The following VIRMA variants were observed in gnomAD, a reference collection of about 807,000 sequenced individuals.
The protein encoded by VIRMA is vir like m6A methyltransferase associated, also known as protein virilizer homolog.
In VIRMA, 65 loss-of-function variants were observed where a neutral mutation model predicts 182.4. The observed-to-expected ratio is 0.36, with a 90% CI of 0.29 to 0.44. The LOEUF (loss-of-function observed/expected upper bound fraction) is 0.44, where lower values mean the gene tolerates loss of function less well. VIRMA is among the 20% of genes least tolerant of loss of function. The pLI, the probability that VIRMA is intolerant of heterozygous loss-of-function variation, is 1.00. For synonymous variants in VIRMA, 709 were observed against 743.1 expected, an observed-to-expected ratio of 0.95 and a Z score of 0.75; for missense variants, 1,752 against 2,158.1, an observed-to-expected ratio of 0.81 and a Z score of 3.73.
At chr8:94,553,050 C>T (rs1236674759) in intron 1 of VIRMA, among the ~76,000 whole-genome samples, 2 of 152,234 alleles carry the variant, frequency 1.3e-5, no homozygotes, top group East Asian at 3.9e-4. Context: ...TACTGGCAAA[C>T]CAAGACCCCT....
intron 2 of VIRMA, among the ~76,000 whole-genome samples, chr8:94,543,406 A>AC (rs1815637753): frequency 8.6e-6 from 1 of 116,252 alleles, no homozygotes; most frequent in African/African-American, 4.2e-5. Flanking sequence ...CATCTCAAAA[A>AC]AAAAAAAAAA....
In VIRMA at chr8:94,527,116, T is replaced by C. The variant is rs754690271; in HGVS notation, c.1128A>G (p.Ser376=). The C allele has an allele frequency of 2.5e-6, 4 of 1,614,224 alleles. No individual in the cohort carries two copies. The South Asian group carries it at 4.4e-5, about 18-fold the overall frequency. The stretch of plus-strand genomic sequence containing the variant: ...ACTTCACTGAGGCTTCGATTGCCCC[T>C]GAATTTTCTTTATCTGGACCTTGAT... ...MKDQGPDKEN[S]GAIEASVKLT... The change falls in exon 8 of 24, where the codon TCA becomes TCG. Residue 376 remains serine (S), a synonymous_variant. Coordinates refer to ENST00000297591, the MANE Select transcript of VIRMA (RefSeq NM_015496.5).
chr8:94,537,107 G>C lies in VIRMA; in HGVS notation c.311C>G (p.Ser104Ter). ...AAAACTGACTTCCAGAATTACCTTT[G>C]AGTTAGGTCTAAAGATGATGGAAGT... ...ENTSIIFRPNSKVNTDGLVLR... is the reference protein window; with the variant it reads ...ENTSIIFRPN The change falls in exon 4 of 24, where the codon TCA becomes TGA. Residue 104 changes from serine to a stop codon, truncating the protein, a stop_gained. Transcript: ENST00000297591. LOFTEE classifies it high-confidence loss of function. 6.3e-7 allele frequency: 1 copy of C among 1,599,958 alleles called. No homozygotes were observed. Among genetic ancestry groups the C allele is most frequent in the Non-Finnish European group, 8.6e-7 (1 of 1,167,294 alleles).
chr8:94,535,790 A>G (rs1815322766), intron 4 of VIRMA, among the ~76,000 whole-genome samples: 1 of 152,118 alleles, frequency 6.6e-6, no homozygotes, highest in African/African-American at 2.4e-5. Context: ...TCAAAAAAAA[A>G]AAAAAAGTAA....
At chr8:94,491,119 G>T (rs78358719) in intron 22 of VIRMA, among the ~76,000 whole-genome samples, 8,443 of 137,150 alleles carry the variant, frequency 0.062, 495 homozygotes, top group East Asian at 0.15. Context: ...TTTGAGACTA[G>T]CCTGGCAAAC....
chr8:94,512,087 A>C lies in VIRMA; in HGVS notation c.2754T>G (p.Asn918Lys), dbSNP rs750559075. The C allele has an allele frequency of 1.4e-6, 2 of 1,462,838 alleles. No homozygotes were observed. Among genetic ancestry groups the C allele is most frequent in the South Asian group, 3.1e-5 (2 of 64,088 alleles). The allele number at this position is 1,462,838 out of a possible 1,614,324, so 90.6% of individuals were successfully genotyped here. Residue 918 changes from asparagine to lysine, a missense_variant and splice_region_variant, in exon 12 of 24, where the codon AAT becomes AAG. By Grantham distance (94) the Asn-to-Lys change is moderately conservative. Transcript: ENST00000297591. Reference protein sequence around the residue: ...IPNLIEYVKQNIDNLMTPEGV... With the variant: ...IPNLIEYVKQKIDNLMTPEGV... The stretch of plus-strand genomic sequence containing the variant: ...CTTCTGGGGTCATCAAGTTATCGAT[A>C]TTCTTTAAAAATGAAAATGAACAGA...
chr8:94,512,969 C>G (rs879876063), intron 11 of VIRMA, among the ~76,000 whole-genome samples: 17 of 152,198 alleles, frequency 1.1e-4, no homozygotes, highest in Admixed American at 1.1e-3. Context: ...TAGCACCTGC[C>G]TATGCTATGT....
At chr8:94,510,024 C>A in intron 14 of VIRMA, 84 bp from the exon 15 acceptor site, 1 of 1,217,002 alleles carries the variant, frequency 8.2e-7, no homozygotes, top group Non-Finnish European at 1.1e-6. Flanking sequence ...CAATACACAT[C>A]AACTTACACA....
Position 94,538,281 on chromosome 8 carries a change from G to C in VIRMA, c.245C>G (p.Pro82Arg), listed in dbSNP as rs762612671. 8 of 1,612,774 alleles carry C rather than the reference G, an allele frequency of 5.0e-6. No individual in the cohort carries two copies. The South Asian group carries it at 8.8e-5, about 18-fold the overall frequency. Residue 82 changes from proline to arginine, a missense_variant, in exon 3 of 24, where the codon CCT becomes CGT. Pro to Arg is a moderately radical substitution (Grantham distance 103). Transcript: ENST00000297591. ...ATACCTTCCCAACCTATCGAAAACA[G>C]GGGCACTTGGTTTGCTTACATTGTT... ...FFNNVSKPSA[P>R]VFDRLGSLEY...
intron 1 of VIRMA, among the ~76,000 whole-genome samples, chr8:94,548,124 T>C (rs940795131): frequency 6.6e-6 from 1 of 150,606 alleles, no homozygotes; most frequent in Non-Finnish European, 1.5e-5. Context: ...AGAAACAAGA[T>C]GGTTAGGGGA....
chr8:94,549,678 A>G (rs1815903209), intron 1 of VIRMA, among the ~76,000 whole-genome samples: 1 of 152,256 alleles, frequency 6.6e-6, no homozygotes, highest in Non-Finnish European at 1.5e-5. Context: ...GACACAGCAT[A>G]GCACTGCCTT....
Position 94,490,026 on chromosome 8 carries a change from G to C in VIRMA, c.5197C>G (p.Pro1733Ala). The C allele has an allele frequency of 1.2e-6, 2 of 1,614,156 alleles. No homozygotes were observed. Among genetic ancestry groups the C allele is most frequent in the Non-Finnish European group, 1.7e-6 (2 of 1,180,020 alleles). ...RGSSWSAQNT[P>A]RGNYNESRGG... ...CGACTTTCATTGTAATTTCCTCGAG[G>C]AGTATTCTGAGCACTCCAACTGGAG... Residue 1733 changes from proline (P) to alanine (A), a missense_variant, in exon 23 of 24, where the codon CCT becomes GCT. By Grantham distance (27) the Pro-to-Ala change is conservative. Around this residue, in one of 11 missense-constraint regions of VIRMA, gnomAD observed 132 missense variants for 173.8 expected, o/e 0.76. Transcript: ENST00000297591.
At chr8:94,516,114 A>T (rs899046257) in intron 10 of VIRMA, among the ~76,000 whole-genome samples, 1 of 152,174 alleles carries the variant, frequency 6.6e-6, no homozygotes. Context: ...CTCAAAAAAA[A>T]TGTACATACC....
intron 23 of VIRMA, 152 bp downstream of exon 23, chr8:94,489,787 G>A (rs1813553267): frequency 1.3e-6 from 1 of 756,790 alleles, no homozygotes; most frequent in Admixed American, 3.3e-5. Context: ...TAAGTTTTGG[G>A]GAAGTCAAAG....
chr8:94,539,746 A>G (rs923223768), intron 2 of VIRMA, among the ~76,000 whole-genome samples: 1 of 152,162 alleles, frequency 6.6e-6, no homozygotes, highest in African/African-American at 2.4e-5. Flanking sequence ...TTTAATCCCC[A>G]ATGCAACAGT....
intron 16 of VIRMA, 24 bp downstream of exon 16, chr8:94,506,476 A>G: frequency 1.4e-6 from 2 of 1,440,120 alleles, no homozygotes; most frequent in East Asian, 2.3e-5. Context: ...ATCTGAGAGT[A>G]TATTAAATTA....
At chr8:94,530,066 G>C (rs1815109931) in intron 6 of VIRMA, among the ~76,000 whole-genome samples, 1 of 152,104 alleles carries the variant, frequency 6.6e-6, no homozygotes, top group South Asian at 2.1e-4. Context: ...TAGGATTACA[G>C]GCATGAGCCA....
chr8:94,509,599 C>A (rs375481908), intron 15 of VIRMA, 89 bp downstream of exon 15: 2 of 1,394,492 alleles, frequency 1.4e-6, no homozygotes, highest in Non-Finnish European at 1.9e-6. Context: ...TCATTCACAG[C>A]CAAAATTTAC....
In VIRMA at chr8:94,553,459, GC is replaced by G. The variant is rs1386498536; in HGVS notation, c.-13del. 1 of 1,613,924 alleles carries G rather than the reference GC, an allele frequency of 6.2e-7. No homozygotes were observed. ...GAGTCCACCGCCATGTTTGCCGCGG[GC>G]GGGGAACAGGGGGGAGGACTTCCGG... On this transcript the variant is annotated 5_prime_UTR_variant, in exon 1 of 24. Coordinates refer to ENST00000297591, the MANE Select transcript of VIRMA (RefSeq NM_015496.5).
Sources: allele counts gnomAD v4.1 joint callset (sites outside exome capture counted in the v4.1 genomes callset), GRCh38; gene constraint gnomAD v4.1.1; regional missense constraint gnomAD v4.1.1; transcripts MANE v1.5; gene names NCBI Gene and HGNC (gene_info 2026-07-23, HGNC 2026-07-21).